ABTB3: variants seen among roughly 807,000 people sequenced by gnomAD.
ABTB3 encodes the protein ankyrin repeat and BTB domain containing 3.
At chr12:107,375,156 T>A in the ABTB3 span, among the ~76,000 whole-genome samples, 1 of 152,112 alleles carries the variant, frequency 6.6e-6, no homozygotes, top group Non-Finnish European at 1.5e-5. Flanking sequence ...GTGGCTCACG[T>A]CTGTGATCCC....
At chr12:107,651,776 A>G in the ABTB3 span, 15 of 1,613,154 alleles carry the variant, frequency 9.3e-6, no homozygotes, top group Non-Finnish European at 1.3e-5. Context: ...GGATATTTAC[A>G]ACCATGCCAA....
the ABTB3 span, among the ~76,000 whole-genome samples, chr12:107,417,339 C>T: frequency 6.6e-6 from 1 of 152,198 alleles, no homozygotes; most frequent in Non-Finnish European, 1.5e-5. Flanking sequence ...GTGGATCCTT[C>T]CTCACCTCTT....
the ABTB3 span, among the ~76,000 whole-genome samples, chr12:107,436,985 G>A: frequency 2.6e-5 from 4 of 151,948 alleles, no homozygotes; most frequent in Non-Finnish European, 4.4e-5. Flanking sequence ...AAATGCTTGA[G>A]TGCCCAGTCA....
At chr12:107,476,859 G>C in the ABTB3 span, among the ~76,000 whole-genome samples, 2 of 152,044 alleles carry the variant, frequency 1.3e-5, no homozygotes, top group African/African-American at 2.4e-5. Context: ...TGACTTGTGT[G>C]TGCATAAACA....
chr12:107,409,984 G>C, the ABTB3 span, among the ~76,000 whole-genome samples: 1 of 152,074 alleles, frequency 6.6e-6, no homozygotes, highest in African/African-American at 2.4e-5. Context: ...CAACCATAGA[G>C]CCCTTCTCAA....
At chr12:107,607,816 G>A in the ABTB3 span, among the ~76,000 whole-genome samples, 1 of 152,188 alleles carries the variant, frequency 6.6e-6, no homozygotes, top group African/African-American at 2.4e-5. Context: ...TGAGTGATGT[G>A]TCAGATGAGT....
At chr12:107,377,944 G>A in the ABTB3 span, among the ~76,000 whole-genome samples, 4 of 152,142 alleles carry the variant, frequency 2.6e-5, no homozygotes, top group African/African-American at 7.2e-5. Flanking sequence ...CACACTTGAC[G>A]CTCAAGAAGG....
the ABTB3 span, among the ~76,000 whole-genome samples, chr12:107,572,910 C>T: frequency 6.6e-6 from 1 of 152,174 alleles, no homozygotes; most frequent in African/African-American, 2.4e-5. Flanking sequence ...AGTCACCTTT[C>T]TTAGGATGTG....
chr12:107,618,233 C>A, the ABTB3 span: 3 of 1,614,012 alleles, frequency 1.9e-6, no homozygotes, highest in Admixed American at 1.7e-5. Flanking sequence ...AGATTCTGGC[C>A]GAGGGGACTG....
the ABTB3 span, among the ~76,000 whole-genome samples, chr12:107,556,497 A>C: frequency 6.6e-6 from 1 of 152,192 alleles, no homozygotes; most frequent in South Asian, 2.1e-4. Flanking sequence ...CAAAGGCAGG[A>C]GGCTTGAGTG....
the ABTB3 span, among the ~76,000 whole-genome samples, chr12:107,422,270 G>C: frequency 2.0e-5 from 3 of 152,158 alleles, no homozygotes; most frequent in African/African-American, 7.2e-5. Context: ...CTGAGTGAGC[G>C]AGGACAAGAG....
the ABTB3 span, among the ~76,000 whole-genome samples, chr12:107,573,555 T>C: frequency 2.0e-5 from 3 of 152,274 alleles, no homozygotes; most frequent in South Asian, 6.2e-4. Flanking sequence ...GATAGACAGA[T>C]TGATCAACAC....
chr12:107,345,865 G>A, the ABTB3 span, among the ~76,000 whole-genome samples: 1 of 152,190 alleles, frequency 6.6e-6, no homozygotes, highest in Non-Finnish European at 1.5e-5. Flanking sequence ...GAAGCTACTT[G>A]GACGTAAGGA....
At chr12:107,501,034 T>C in the ABTB3 span, among the ~76,000 whole-genome samples, 1 of 152,212 alleles carries the variant, frequency 6.6e-6, no homozygotes, top group Non-Finnish European at 1.5e-5. Flanking sequence ...CTTGGGAAAG[T>C]AACCTAACCT....
At chr12:107,555,664 G>A in the ABTB3 span, among the ~76,000 whole-genome samples, 15 of 152,162 alleles carry the variant, frequency 9.9e-5, no homozygotes, top group Admixed American at 7.2e-4. Context: ...GGCTATTTAC[G>A]TTTAAATTGA....
the ABTB3 span, among the ~76,000 whole-genome samples, chr12:107,529,047 G>A: frequency 2.0e-5 from 3 of 151,712 alleles, no homozygotes; most frequent in Non-Finnish European, 2.9e-5. Context: ...TGATGATGAT[G>A]GAGATGATGA....
the ABTB3 span, among the ~76,000 whole-genome samples, chr12:107,530,000 A>C: frequency 6.6e-6 from 1 of 152,240 alleles, no homozygotes; most frequent in African/African-American, 2.4e-5. Flanking sequence ...GATTCTGACC[A>C]GGGACATCCT....
chr12:107,615,085 C>T, the ABTB3 span: 2 of 1,613,736 alleles, frequency 1.2e-6, no homozygotes, highest in African/African-American at 2.7e-5. Context: ...TCATAAATAT[C>T]CATCCGTCCA....
At chr12:107,533,485 A>G in the ABTB3 span, among the ~76,000 whole-genome samples, 1 of 152,370 alleles carries the variant, frequency 6.6e-6, no homozygotes, top group Non-Finnish European at 1.5e-5. Context: ...TATTTATTTC[A>G]GACAAAAATA....
Sources: allele counts gnomAD v4.1 joint callset (sites outside exome capture counted in the v4.1 genomes callset), GRCh38; gene constraint gnomAD v4.1.1; transcripts MANE v1.5; gene names NCBI Gene and HGNC (gene_info 2026-07-23, HGNC 2026-07-21).